The following PCDH17 variants were observed in gnomAD, a reference collection of about 807,000 sequenced individuals.
PCDH17 encodes protocadherin 17, also known as protocadherin-17.
In PCDH17, 21 loss-of-function variants were observed where a neutral mutation model predicts 67.7. The observed-to-expected ratio is 0.31, with a 90% confidence interval of 0.22 to 0.45. The LOEUF (loss-of-function observed/expected upper bound fraction) is 0.45, where lower values mean the gene tolerates loss of function less well. Among genes scored for constraint, PCDH17 ranks in the 20% least tolerant of loss-of-function variants. The pLI is 1.00. For synonymous variants in PCDH17, 701 were observed against 656.7 expected (o/e 1.07, Z -1.03); for missense variants, 1,471 against 1,564.8 (o/e 0.94, Z 1.01).
chr13:57,701,979 A>G (rs1409136304), intron 3 of PCDH17, among the ~76,000 whole-genome samples: 1 of 151,924 alleles, frequency 6.6e-6, no homozygotes, highest in Non-Finnish European at 1.5e-5. Context: ...GTGCAGTGGC[A>G]TGATCTCGGC....
chr13:57,697,957 T>G (rs1955626821), intron 3 of PCDH17, among the ~76,000 whole-genome samples: 1 of 151,630 alleles, frequency 6.6e-6, no homozygotes, highest in Admixed American at 6.6e-5. Context: ...ATTAAAATAT[T>G]TGTTAATAGT....
At chr13:57,698,737 G>T (rs1303517840) in intron 3 of PCDH17, among the ~76,000 whole-genome samples, 2 of 151,902 alleles carry the variant, frequency 1.3e-5, no homozygotes, top group African/African-American at 4.8e-5. Flanking sequence ...CCGAAATGAT[G>T]CCTAATAAAA....
At chr13:57,649,985 A>C (rs1955015454) in intron 1 of PCDH17, among the ~76,000 whole-genome samples, 1 of 152,188 alleles carries the variant, frequency 6.6e-6, no homozygotes, top group Non-Finnish European at 1.5e-5. Flanking sequence ...GAAAAGAAGG[A>C]AGAGGAAAGC....
Position 57,634,317 on chromosome 13 carries a change from G to A in PCDH17, c.1771G>A (p.Asp591Asn). The change falls in exon 1 of 4, where the codon GAC becomes AAC. Residue 591 changes from aspartate to asparagine, a missense_variant. Around this residue, in one of 3 missense-constraint regions of PCDH17, gnomAD observed 1,163 missense variants for 1,230.0 expected, o/e 0.95. Transcript: ENST00000377918. The surrounding 1 kb of genome is among the most constrained non-coding windows in gnomAD (Gnocchi z 7.8). ...PVIVLPTLQN[D>N]TAELQVPRNA... is the part of the protein sequence containing the mutation. ...GATCGTGCTCCCCACGCTGCAGAAC[G>A]ACACCGCGGAGCTGCAGGTGCCGCG... 1 of 1,612,928 alleles carries A rather than the reference G, an allele frequency of 6.2e-7. No individual in the cohort carries two copies.
intron 3 of PCDH17, among the ~76,000 whole-genome samples, chr13:57,675,793 A>G (rs545667471): frequency 6.6e-6 from 1 of 152,078 alleles, no homozygotes; most frequent in African/African-American, 2.4e-5. Flanking sequence ...AGGGGTGCTC[A>G]GGAGGTAACA....
intron 3 of PCDH17, among the ~76,000 whole-genome samples, chr13:57,672,573 T>C (rs1593916939): frequency 6.6e-6 from 1 of 152,020 alleles, no homozygotes; most frequent in South Asian, 2.1e-4. Context: ...TTGAGGCTCG[T>C]GCCCACCTGG....
chr13:57,722,023 T>A (rs1051473251), intron 3 of PCDH17, among the ~76,000 whole-genome samples: 2 of 152,204 alleles, frequency 1.3e-5, no homozygotes, highest in Non-Finnish European at 2.9e-5. Context: ...TGTGAACTGC[T>A]GCCATCAAAA....
chr13:57,729,161 G>C lies in PCDH17; in HGVS notation c.*3867G>C, dbSNP rs987703007. ...CATTATCAGCCCATCACTCCATAAA[G>C]TTCTTAGCTGCACCAAGTGATTGGT... On this transcript the variant is annotated 3_prime_UTR_variant, in exon 4 of 4. Coordinates refer to ENST00000377918, the MANE Select transcript of PCDH17 (RefSeq NM_001040429.3). The C allele has an allele frequency of 1.3e-5, 2 of 152,078 alleles. No homozygotes were observed. The highest frequency in any genetic ancestry group is 2.9e-5 in the Non-Finnish European group (2 of 67,980). 9.4% of individuals were successfully genotyped at this position (152,078 alleles called of 1,614,324 possible).
intron 3 of PCDH17, among the ~76,000 whole-genome samples, chr13:57,701,768 T>C (rs137975000): frequency 6.6e-6 from 1 of 152,254 alleles, no homozygotes; most frequent in East Asian, 1.9e-4. Flanking sequence ...AAGAATAATA[T>C]ATTTATAACA....
At chr13:57,676,868 T>C (rs1265041093) in intron 3 of PCDH17, among the ~76,000 whole-genome samples, 1 of 151,944 alleles carries the variant, frequency 6.6e-6, no homozygotes, top group African/African-American at 2.4e-5. Context: ...GAGCTGGTTG[T>C]ATTTTATGAT....
At chr13:57,702,418 C>A (rs1489508986) in intron 3 of PCDH17, among the ~76,000 whole-genome samples, 1 of 151,694 alleles carries the variant, frequency 6.6e-6, no homozygotes, top group Non-Finnish European at 1.5e-5. Flanking sequence ...CCCACAGAAG[C>A]CCTGTGAGGA....
In PCDH17 at chr13:57,696,512, A is replaced by G. The variant is rs988363298; in HGVS notation, c.2798-28100A>G. On this transcript the variant is annotated intron_variant, in intron 3 of 3. Coordinates refer to ENST00000377918, the MANE Select transcript of PCDH17 (RefSeq NM_001040429.3). ...ATCATTTTAATAAAGGAAAATACAG[A>G]TATATACTGTTCGCAAAAAAAATGT... Among the ~76,000 whole-genome samples the G allele has an allele frequency of 1.4e-4, 21 of 151,082 alleles. No homozygotes were observed. The Admixed American group carries it at 1.4e-3, about 10-fold the overall frequency.
chr13:57,645,537 T>C (rs1954954477), intron 1 of PCDH17, among the ~76,000 whole-genome samples: 1 of 151,596 alleles, frequency 6.6e-6, no homozygotes, highest in Non-Finnish European at 1.5e-5. Flanking sequence ...TTGATATTTT[T>C]AAATTTATAG....
chr13:57,647,745 A>T (rs1295378971), intron 1 of PCDH17, among the ~76,000 whole-genome samples: 1 of 151,898 alleles, frequency 6.6e-6, no homozygotes, highest in East Asian at 1.9e-4. Context: ...TCTTTTATAT[A>T]AAAGCAATAA....
At chr13:57,680,628 G>A (rs758738065) in intron 3 of PCDH17, among the ~76,000 whole-genome samples, 43 of 151,474 alleles carry the variant, frequency 2.8e-4, no homozygotes, top group Non-Finnish European at 5.9e-4. Flanking sequence ...TGCACCTGAG[G>A]AGGGTTGAAA....
rs1955578372 is a variant in PCDH17 at position 57,693,349 on chromosome 13, G to A, written c.2797+26516G>A. Among the ~76,000 whole-genome samples, 5 of 57,736 alleles carry A rather than the reference G, an allele frequency of 8.7e-5. No individual in the cohort carries two copies. In the East Asian group the frequency reaches 1.1e-3, roughly 13 times the overall value. The allele number at this position is 57,736 out of a possible 152,430, so 37.9% of individuals were successfully genotyped here. On this transcript the variant is annotated intron_variant, in intron 3 of 3. Coordinates refer to ENST00000377918, the MANE Select transcript of PCDH17 (RefSeq NM_001040429.3). ...ATATATATATATATATATATATCAA[G>A]GAGTTAGGATACAAAATATCTTCTC...
chr13:57,677,063 T>A (rs2138041128), intron 3 of PCDH17, among the ~76,000 whole-genome samples: 1 of 152,020 alleles, frequency 6.6e-6, no homozygotes, highest in African/African-American at 2.4e-5. Flanking sequence ...GTTGTTATGT[T>A]GAATGTTTGT....
At chr13:57,680,581 T>A (rs938293748) in intron 3 of PCDH17, among the ~76,000 whole-genome samples, 2 of 147,632 alleles carry the variant, frequency 1.4e-5, no homozygotes, top group African/African-American at 4.9e-5. Flanking sequence ...TTTAGAATGA[T>A]TTTTTTTTTA....
rs749688892 is a variant in PCDH17, at chr13:57,639,355, C to G, written c.2565+4244C>G. Among the ~76,000 whole-genome samples, 6 of 151,720 alleles carry G rather than the reference C, an allele frequency of 4.0e-5. No individual in the cohort carries two copies. In the South Asian group the frequency reaches 1.0e-3, roughly 26 times the overall value. ...TTTTTTGGAGAAGAGTTTATAACCCCTAAAAGTCCAAAAATTGTTATCATC... is the reference window on the plus strand; with the variant it reads ...TTTTTTGGAGAAGAGTTTATAACCCGTAAAAGTCCAAAAATTGTTATCATC... On this transcript the variant is annotated intron_variant, in intron 1 of 3. Transcript: ENST00000377918.
Sources: gnomAD v4.1 joint callset for allele counts (sites outside exome capture counted in the v4.1 genomes callset) on GRCh38, gnomAD v4.1.1 for gene constraint, gnomAD v4.1.1 regional missense constraint, Gnocchi (gnomAD v3.1) non-coding constraint, MANE v1.5 for transcripts, NCBI Gene and HGNC (gene_info 2026-07-23, HGNC 2026-07-21) for gene names.